Variants in NOL4L observed in about 807,000 individuals in gnomAD.
NOL4L encodes nucleolar protein 4 like, also known as nucleolar protein 4-like.
NOL4L carries 7 observed loss-of-function variants against 64.5 expected under a neutral mutation model. The observed-to-expected ratio is 0.11, with a 90% CI of 0.06 to 0.20. The LOEUF (loss-of-function observed/expected upper bound fraction) is 0.20. NOL4L is among the 10% of genes least tolerant of loss of function. The pLI, the probability that NOL4L is intolerant of heterozygous loss-of-function variation, is 1.00. For synonymous variants in NOL4L, 413 were observed against 401.0 expected, an observed-to-expected ratio of 1.03 and a Z score of -0.36; for missense variants, 680 against 967.1, an observed-to-expected ratio of 0.70 and a Z score of 3.94.
intron 4 of NOL4L, among the ~76,000 whole-genome samples, chr20:32,506,094 T>G (rs560559822): frequency 1.2e-4 from 18 of 152,204 alleles, no homozygotes; most frequent in Non-Finnish European, 2.2e-4. Flanking sequence ...TGTGGAGAGT[T>G]TTTCAGGGTG....
intron 1 of NOL4L, among the ~76,000 whole-genome samples, chr20:32,553,831 A>G (rs527795667): frequency 6.6e-6 from 1 of 152,348 alleles, no homozygotes; most frequent in African/African-American, 2.4e-5. Context: ...AATTTACATT[A>G]GGGAAAAACT....
chr20:32,462,673 G>C (rs940088018), intron 5 of NOL4L, among the ~76,000 whole-genome samples: 1 of 152,060 alleles, frequency 6.6e-6, no homozygotes, highest in South Asian at 2.1e-4. Context: ...TTGGGAGGTA[G>C]AGGCAGGCAG....
chr20:32,452,274 T>C lies in NOL4L; in HGVS notation c.1784A>G (p.Gln595Arg). 4 of 1,591,146 alleles carry C rather than the reference T, an allele frequency of 2.5e-6. No individual in the cohort carries two copies. The highest frequency in any genetic ancestry group is 1.7e-4 in the Middle Eastern group (1 of 5,946). ...RGYGALSSNL[Q>R]PPASLQTGNH... is the part of the protein sequence containing the mutation. ...TCCTGTTTGGAGGGAGGCAGGGGGC[T>C]GCAGGTTGCTGCTCAAGGCCCCGTA... The change falls in exon 10 of 11, where the codon CAG becomes CGG. Residue 595 changes from glutamine (Q) to arginine (R), a missense_variant. Coordinates refer to ENST00000621426, the MANE Select transcript of NOL4L (RefSeq NM_001256798.2).
chr20:32,536,065 A>T, intron 1 of NOL4L: 2 of 985,718 alleles, frequency 2.0e-6, no homozygotes, highest in Non-Finnish European at 2.4e-6. Flanking sequence ...CCCCTGTGTG[A>T]GCAGACACCA....
chr20:32,547,894 C>A (rs904383065), intron 1 of NOL4L, among the ~76,000 whole-genome samples: 4 of 152,162 alleles, frequency 2.6e-5, no homozygotes, highest in African/African-American at 9.7e-5. Flanking sequence ...TGCCTCTGTG[C>A]CTGGACACAC....
At chr20:32,456,795 T>G (rs1165438701) in intron 5 of NOL4L, among the ~76,000 whole-genome samples, 1 of 151,966 alleles carries the variant, frequency 6.6e-6, no homozygotes, top group Admixed American at 6.5e-5. Context: ...GGACCGCACC[T>G]CCCACCCACC....
intron 1 of NOL4L, among the ~76,000 whole-genome samples, chr20:32,560,603 C>T (rs1430352420): frequency 6.6e-6 from 1 of 152,232 alleles, no homozygotes; most frequent in Non-Finnish European, 1.5e-5. Context: ...ATTTAATCCT[C>T]CCAACAACCC....
At chr20:32,558,531 C>T (rs6058736) in intron 1 of NOL4L, among the ~76,000 whole-genome samples, 1,863 of 152,272 alleles carry the variant, frequency 0.012, 24 homozygotes, top group African/African-American at 0.043. Flanking sequence ...AACTGACTCA[C>T]GGTTCTGGAA....
intron 5 of NOL4L, among the ~76,000 whole-genome samples, 165 bp from the exon 6 acceptor site, chr20:32,456,560 A>T (rs2013552061): frequency 6.6e-6 from 1 of 152,058 alleles, no homozygotes; most frequent in South Asian, 2.1e-4. Context: ...GCCTCAGCTG[A>T]GGCAGCCACA....
intron 1 of NOL4L, among the ~76,000 whole-genome samples, chr20:32,534,194 C>T (rs1444534881): frequency 6.6e-6 from 1 of 152,212 alleles, no homozygotes; most frequent in Admixed American, 6.5e-5. Flanking sequence ...AGACATTTCT[C>T]AACTGGGTTT....
At chr20:32,538,462 G>GCTCCCTCC (rs145359787) in intron 1 of NOL4L, among the ~76,000 whole-genome samples, 57 of 125,950 alleles carry the variant, frequency 4.5e-4, no homozygotes, top group South Asian at 1.3e-3. Flanking sequence ...TCCCTCCCTC[G>GCTCCCTCC]CTCCCTCCCT....
intron 1 of NOL4L, among the ~76,000 whole-genome samples, chr20:32,559,754 G>A (rs992764563): frequency 6.6e-6 from 1 of 152,194 alleles, no homozygotes. Flanking sequence ...TGTCTGTAAC[G>A]GGCCCCAGAA....
chr20:32,584,389 G>C (rs1455610638), intron 1 of NOL4L, among the ~76,000 whole-genome samples, 181 bp downstream of exon 1: 1 of 151,422 alleles, frequency 6.6e-6, no homozygotes, highest in African/African-American at 2.4e-5. Flanking sequence ...AACCCGGAGC[G>C]CTGCCCAGGC....
In NOL4L at chr20:32,453,223, G is replaced by C; in HGVS notation, c.1497+81C>G. ...GGCTCCTGGGAAGACCCTGGGTGAA[G>C]GGGCCCGGGCATCCTGGGAGTGTGG... On this transcript the variant is annotated intron_variant, in intron 8 of 10. Coordinates refer to ENST00000621426, the MANE Select transcript of NOL4L (RefSeq NM_001256798.2). This position sits in a 1 kb window ranked among gnomAD's most constrained non-coding sequence, Gnocchi z 5.6. 6.5e-7 allele frequency: 1 copy of C among 1,530,204 alleles called. No homozygotes were observed. The highest frequency in any genetic ancestry group is 8.9e-7 in the Non-Finnish European group (1 of 1,128,982). 94.8% of individuals were successfully genotyped at this position (1,530,204 alleles called of 1,614,324 possible).
intron 1 of NOL4L, among the ~76,000 whole-genome samples, chr20:32,584,211 A>C (rs1980736526): frequency 1.4e-5 from 2 of 146,192 alleles, no homozygotes. Context: ...GGCGCCCGGG[A>C]CAGGCAGCCC....
intron 1 of NOL4L, among the ~76,000 whole-genome samples, chr20:32,542,470 C>T (rs2018672002): frequency 6.6e-6 from 1 of 152,208 alleles, no homozygotes; most frequent in African/African-American, 2.4e-5. Context: ...CCTCCCACCT[C>T]AGCCTCCCAA....
At chr20:32,504,296 C>T (rs1209568536) in intron 4 of NOL4L, among the ~76,000 whole-genome samples, 4 of 152,140 alleles carry the variant, frequency 2.6e-5, no homozygotes, top group African/African-American at 9.7e-5. Flanking sequence ...CGTGGTGGCT[C>T]ACGCCTGTAA....
chr20:32,570,171 A>G (rs1440824045), intron 1 of NOL4L, among the ~76,000 whole-genome samples: 1 of 152,128 alleles, frequency 6.6e-6, no homozygotes, highest in African/African-American at 2.4e-5. Flanking sequence ...CAGCACAGCC[A>G]GGATTCGAAC....
intron 1 of NOL4L, chr20:32,536,168 G>C (rs1051658330): frequency 5.1e-6 from 5 of 985,616 alleles, no homozygotes; most frequent in Non-Finnish European, 6.0e-6. Flanking sequence ...CCATTAAAGA[G>C]CTCTGTCTGC....
Sources: allele counts gnomAD v4.1 joint callset (sites outside exome capture counted in the v4.1 genomes callset), GRCh38; gene constraint gnomAD v4.1.1; non-coding constraint Gnocchi (gnomAD v3.1); transcripts MANE v1.5; gene names NCBI Gene and HGNC (gene_info 2026-07-23, HGNC 2026-07-21).